Variants in PDGFC observed in about 807,000 individuals in gnomAD.
PDGFC encodes the protein platelet-derived growth factor C.
In PDGFC, 12 loss-of-function variants were observed where a neutral mutation model predicts 35.5. The observed-to-expected ratio is 0.34, with a 90% confidence interval of 0.22 to 0.55. The LOEUF (loss-of-function observed/expected upper bound fraction) is 0.55, where lower values mean the gene tolerates loss of function less well. PDGFC is among the 20% of genes least tolerant of loss of function. The pLI is 0.91. For synonymous variants in PDGFC, 159 were observed against 148.8 expected (o/e 1.07, Z -0.50); for missense variants, 322 against 412.4 (o/e 0.78, Z 1.90).
chr4:156,926,619 A>C (rs1264959289), intron 1 of PDGFC, among the ~76,000 whole-genome samples: 1 of 152,212 alleles, frequency 6.6e-6, no homozygotes, highest in African/African-American at 2.4e-5. Context: ...TAAAGCTCCA[A>C]AATGATCTCC....
chr4:156,880,959 A>T (rs1730227565), intron 1 of PDGFC, among the ~76,000 whole-genome samples: 1 of 152,210 alleles, frequency 6.6e-6, no homozygotes. Context: ...GGATTTGAGT[A>T]TTACATAAAG....
At chr4:156,855,176 T>C (rs1171847011) in intron 1 of PDGFC, among the ~76,000 whole-genome samples, 4 of 152,138 alleles carry the variant, frequency 2.6e-5, no homozygotes, top group African/African-American at 9.7e-5. Flanking sequence ...AATTCTATAA[T>C]GTTTACCATG....
chr4:156,903,085 A>G (rs1038891394), intron 1 of PDGFC, among the ~76,000 whole-genome samples: 9 of 137,668 alleles, frequency 6.5e-5, no homozygotes, highest in East Asian at 2.2e-4. Context: ...AATAAGGACA[A>G]AGAGAGAGAG....
chr4:156,784,294 T>C (rs900640154), intron 3 of PDGFC, among the ~76,000 whole-genome samples: 2 of 152,146 alleles, frequency 1.3e-5, no homozygotes, highest in East Asian at 1.9e-4. Context: ...TGTCTCAAAA[T>C]AGATCAATCT....
chr4:156,826,536 T>C (rs1728760505), intron 2 of PDGFC, among the ~76,000 whole-genome samples: 1 of 152,070 alleles, frequency 6.6e-6, no homozygotes, highest in East Asian at 1.9e-4. Context: ...TTATTTTCTG[T>C]TTAAGGTGAA....
At chr4:156,826,009 C>T (rs1342383620) in intron 2 of PDGFC, among the ~76,000 whole-genome samples, 1 of 150,594 alleles carries the variant, frequency 6.6e-6, no homozygotes, top group African/African-American at 2.4e-5. Flanking sequence ...GCTGGGACTA[C>T]AGGTACACAC....
At chr4:156,968,089 A>C (rs552882451) in intron 1 of PDGFC, among the ~76,000 whole-genome samples, 4 of 152,196 alleles carry the variant, frequency 2.6e-5, no homozygotes, top group Non-Finnish European at 5.9e-5. Flanking sequence ...ATCCAGTCTA[A>C]ATCCATGTAT....
intron 1 of PDGFC, among the ~76,000 whole-genome samples, chr4:156,870,623 A>G (rs1034600099): frequency 6.6e-6 from 1 of 152,128 alleles, no homozygotes; most frequent in African/African-American, 2.4e-5. Flanking sequence ...ACACTTCCAC[A>G]AGGCTTATTA....
At chr4:156,832,496 C>A (rs1373296046) in intron 2 of PDGFC, among the ~76,000 whole-genome samples, 1 of 152,114 alleles carries the variant, frequency 6.6e-6, no homozygotes, top group Non-Finnish European at 1.5e-5. Flanking sequence ...ACCTCGTGAT[C>A]CACCCGCCTC....
chr4:156,902,786 A>C (rs1179106086), intron 1 of PDGFC, among the ~76,000 whole-genome samples: 1 of 152,180 alleles, frequency 6.6e-6, no homozygotes, highest in Non-Finnish European at 1.5e-5. Context: ...ACAGATGTTT[A>C]GCTTTGGTTC....
At chr4:156,908,407 A>C in intron 1 of PDGFC, among the ~76,000 whole-genome samples, 1 of 152,264 alleles carries the variant, frequency 6.6e-6, no homozygotes, top group South Asian at 2.1e-4. Context: ...ATAAATAAAT[A>C]TTTATTTCAA....
intron 4 of PDGFC, among the ~76,000 whole-genome samples, chr4:156,771,694 G>C (rs74749576): frequency 6.6e-6 from 1 of 152,234 alleles, no homozygotes; most frequent in East Asian, 1.9e-4. Flanking sequence ...GGCAGGAATC[G>C]GGTTTCCTTC....
intron 1 of PDGFC, among the ~76,000 whole-genome samples, chr4:156,904,049 T>G (rs1447742371): frequency 1.3e-5 from 2 of 152,266 alleles, no homozygotes; most frequent in African/African-American, 2.4e-5. Context: ...ATAATTGATT[T>G]TGTAAATGAA....
chr4:156,824,327 T>TACACACATATACACATAC lies in PDGFC; in HGVS notation c.315-13311_315-13310insGTATGTGTATATGTGTGT, dbSNP rs1553967646. On this transcript the variant is annotated intron_variant, in intron 2 of 5. Transcript: ENST00000502773. The stretch of plus-strand genomic sequence containing the variant: ...ATATATATATATATATATATATATA[T>TACACACATATACACATAC]ACACACACACACACACACACACATA... Among the ~76,000 whole-genome samples the TACACACATATACACATAC allele has an allele frequency of 9.9e-4, 102 of 102,814 alleles. 7 individuals are homozygous for TACACACATATACACATAC. The highest frequency in any genetic ancestry group is 3.7e-3 in the African/African-American group (81 of 22,000). 67.4% of individuals were successfully genotyped at this position (102,814 alleles called of 152,430 possible).
intron 1 of PDGFC, among the ~76,000 whole-genome samples, chr4:156,900,344 C>A (rs922493986): frequency 5.3e-5 from 8 of 152,138 alleles, no homozygotes; most frequent in African/African-American, 9.7e-5. Flanking sequence ...CCACCACATG[C>A]CAGTTACCTT....
intron 3 of PDGFC, among the ~76,000 whole-genome samples, chr4:156,797,916 G>A (rs984483592): frequency 3.3e-5 from 5 of 152,128 alleles, no homozygotes; most frequent in African/African-American, 7.2e-5. Flanking sequence ...GAGACCAGGC[G>A]CGGTGCCTCA....
chr4:156,906,611 G>T (rs1730920849), intron 1 of PDGFC, among the ~76,000 whole-genome samples: 1 of 152,094 alleles, frequency 6.6e-6, no homozygotes, highest in African/African-American at 2.4e-5. Context: ...AAAGATTTAT[G>T]ATGTACTTTT....
intron 1 of PDGFC, among the ~76,000 whole-genome samples, chr4:156,937,317 C>T (rs943989424): frequency 1.3e-5 from 2 of 152,084 alleles, no homozygotes; most frequent in Admixed American, 6.6e-5. Context: ...TGTTATCTTT[C>T]CACCGCAAAC....
Position 156,762,018 on chromosome 4 carries a change from G to A in PDGFC, c.*1072C>T, listed in dbSNP as rs1357555277. 3 of 152,548 alleles carry A rather than the reference G, an allele frequency of 2.0e-5. No homozygotes were observed. Among genetic ancestry groups the A allele is most frequent in the African/African-American group, 4.8e-5 (2 of 41,448 alleles). 9.4% of individuals were successfully genotyped at this position (152,548 alleles called of 1,614,324 possible). A position where few individuals can be genotyped will look rare whatever the true frequency, so the allele number is the denominator to read the frequency against. The stretch of plus-strand genomic sequence containing the variant: ...TGGATCTGAATGTCTACTTTCATAA[G>A]TTGCTTTTTATTTTCATCTCCAATA... On this transcript the variant is annotated 3_prime_UTR_variant, in exon 6 of 6. Transcript: ENST00000502773.
Sources: allele counts gnomAD v4.1 joint callset (sites outside exome capture counted in the v4.1 genomes callset), GRCh38; gene constraint gnomAD v4.1.1; transcripts MANE v1.5; gene names NCBI Gene and HGNC (gene_info 2026-07-23, HGNC 2026-07-21).